Variants in IDE observed in about 807,000 individuals in gnomAD.
IDE encodes the protein insulin-degrading enzyme.
Under a neutral mutation model 133.2 loss-of-function variants are expected in IDE, and 58 were observed. That is an observed-to-expected ratio of 0.44 (90% CI 0.35 to 0.54). The LOEUF (loss-of-function observed/expected upper bound fraction) is 0.54, where lower values mean the gene tolerates loss of function less well. Among genes scored for constraint, IDE ranks in the 20% least tolerant of loss-of-function variants. The probability of loss-of-function intolerance (pLI) is 0.00; values close to 1 mark genes in which losing one functional copy is unlikely to be tolerated. For synonymous variants in IDE, 396 were observed against 421.3 expected (o/e 0.94, Z 0.73); for missense variants, 981 against 1,234.0 (o/e 0.79, Z 3.07).
Position 92,464,011 on chromosome 10 carries a change from A to G in IDE, c.2489-8T>C. The G allele has an allele frequency of 6.2e-7, 1 of 1,606,732 alleles. No homozygotes were observed. The highest frequency in any genetic ancestry group is 8.5e-7 in the Non-Finnish European group (1 of 1,174,302). The stretch of plus-strand genomic sequence containing the variant: ...CGCTGAAGACGATATAGCCTGAAAC[A>G]CAGACATCAGCCAGTCATGACCGTG... On this transcript the variant is annotated splice_polypyrimidine_tract_variant and splice_region_variant and intron_variant, in intron 20 of 24. Coordinates refer to ENST00000265986, the MANE Select transcript of IDE (RefSeq NM_004969.4).
chr10:92,539,928 A>C (rs1842213720), intron 1 of IDE, among the ~76,000 whole-genome samples: 1 of 152,022 alleles, frequency 6.6e-6, no homozygotes, highest in Admixed American at 6.6e-5. Context: ...GACTCTAAAG[A>C]GGGGTACAAG....
At chr10:92,538,745 A>C (rs1293114862) in intron 1 of IDE, among the ~76,000 whole-genome samples, 1 of 150,744 alleles carries the variant, frequency 6.6e-6, no homozygotes, top group Non-Finnish European at 1.5e-5. Flanking sequence ...GGGTAGATGT[A>C]ACTTTTGTCT....
intron 1 of IDE, among the ~76,000 whole-genome samples, chr10:92,543,678 G>A (rs1213922741): frequency 6.6e-6 from 1 of 152,198 alleles, no homozygotes; most frequent in Non-Finnish European, 1.5e-5. Context: ...AAATTCTAAA[G>A]TAGTATCATT....
chr10:92,471,182 T>G (rs1382258931), intron 17 of IDE, among the ~76,000 whole-genome samples: 1 of 152,200 alleles, frequency 6.6e-6, no homozygotes, highest in African/African-American at 2.4e-5. Context: ...TTTTTCTATT[T>G]CCCTCTTTCT....
At chr10:92,572,914 C>T (rs999841947) in intron 1 of IDE, 1 of 985,374 alleles carries the variant, frequency 1.0e-6, no homozygotes, top group East Asian at 1.1e-4. Context: ...TCAACACACC[C>T]TTGTAGCTAT....
At chr10:92,556,174 C>T (rs1298413745) in intron 1 of IDE, among the ~76,000 whole-genome samples, 2 of 45,822 alleles carry the variant, frequency 4.4e-5, no homozygotes, top group South Asian at 1.3e-3. Context: ...AGCGAGACTC[C>T]GTCTCAAAAA....
intron 13 of IDE, among the ~76,000 whole-genome samples, chr10:92,484,140 G>A (rs183875541): frequency 2.2e-4 from 34 of 152,162 alleles, no homozygotes; most frequent in East Asian, 1.9e-3. Context: ...GGCCAGGCGC[G>A]GTGGCTTCAC....
intron 4 of IDE, among the ~76,000 whole-genome samples, chr10:92,522,724 G>T (rs1849296868): frequency 6.6e-6 from 1 of 152,080 alleles, no homozygotes; most frequent in Non-Finnish European, 1.5e-5. Flanking sequence ...AAAAGCTGAG[G>T]GACCCAAGGC....
intron 1 of IDE, among the ~76,000 whole-genome samples, chr10:92,544,257 TA>T (rs1023840068): frequency 2.0e-5 from 3 of 150,472 alleles, no homozygotes; most frequent in African/African-American, 7.3e-5. Flanking sequence ...AAAGATAGAA[TA>T]CCATTGTACA....
In IDE at chr10:92,540,201, C is replaced by T. The variant is rs183878610; in HGVS notation, c.99-2651G>A. On this transcript the variant is annotated intron_variant, in intron 1 of 24. Transcript: ENST00000265986. ...GAGGCTGCAGTGAGCCAAGATCATG[C>T]CACTGCACTCCAGCCTGGGCGCAAC... is the stretch of plus-strand genomic sequence containing the variant. Among the ~76,000 whole-genome samples, 282 of 152,012 alleles carry T rather than the reference C, an allele frequency of 1.9e-3. 2 individuals carry two copies. Among genetic ancestry groups the T allele is most frequent in the Middle Eastern group, 6.8e-3 (2 of 294 alleles).
intron 1 of IDE, among the ~76,000 whole-genome samples, chr10:92,559,737 ATTT>A (rs67531776): frequency 0.094 from 12,617 of 133,992 alleles, 560 homozygotes; most frequent in South Asian, 0.17. Context: ...TGAATGGTAT[ATTT>A]TTTTTTTTTT....
chr10:92,464,027 C>A, intron 20 of IDE, 24 bp from the exon 21 acceptor site: 1 of 1,594,624 alleles, frequency 6.3e-7, no homozygotes, highest in South Asian at 1.1e-5. Flanking sequence ...ATCAGCCAGT[C>A]ATGACCGTGG....
intron 11 of IDE, among the ~76,000 whole-genome samples, chr10:92,502,411 C>T (rs977435038): frequency 1.3e-5 from 2 of 151,990 alleles, no homozygotes; most frequent in Non-Finnish European, 2.9e-5. Flanking sequence ...GCTTTTGTTG[C>T]TATTATAAAT....
chr10:92,461,225 G>T lies in IDE; in HGVS notation c.2789C>A (p.Thr930Lys). The change falls in exon 22 of 25, where the codon ACA (threonine) becomes AAA (lysine). Residue 930 changes from threonine (T) to lysine (K), a missense_variant. Thr to Lys is a moderately conservative substitution (Grantham distance 78). Coordinates refer to ENST00000265986, the MANE Select transcript of IDE (RefSeq NM_004969.4). ...TTTGATGATATCTTCCTTGGTAAGTGTCTTTAAATATGCAACCTCAGTGTT... is the reference window on the plus strand; with the variant it reads ...TTTGATGATATCTTCCTTGGTAAGTTTCTTTAAATATGCAACCTCAGTGTT... ...RDNTEVAYLKTLTKEDIIKFY... is the reference protein window; with the variant it reads ...RDNTEVAYLKKLTKEDIIKFY... 6.8e-7 allele frequency: 1 copy of T among 1,464,220 alleles called. No homozygotes were observed. The highest frequency in any genetic ancestry group is 9.6e-7 in the Non-Finnish European group (1 of 1,044,734). 90.7% of individuals were successfully genotyped at this position (1,464,220 alleles called of 1,614,324 possible).
chr10:92,559,927 G>C (rs996220451), intron 1 of IDE, among the ~76,000 whole-genome samples: 3 of 151,826 alleles, frequency 2.0e-5, no homozygotes, highest in African/African-American at 7.3e-5. Context: ...TGTAGAGATA[G>C]GGTCCCACTA....
intron 19 of IDE, among the ~76,000 whole-genome samples, chr10:92,468,432 T>G (rs1026972423): frequency 3.3e-5 from 5 of 152,238 alleles, no homozygotes; most frequent in Admixed American, 3.3e-4. Context: ...TAAAAGTCTT[T>G]GTTAATCCCT....
chr10:92,477,592 A>C (rs959015068), intron 15 of IDE, among the ~76,000 whole-genome samples: 1 of 152,240 alleles, frequency 6.6e-6, no homozygotes, highest in African/African-American at 2.4e-5. Flanking sequence ...ATATCATGAA[A>C]GTCTCTACGC....
At chr10:92,506,962 C>T (rs1226474091) in intron 9 of IDE, among the ~76,000 whole-genome samples, 2 of 152,088 alleles carry the variant, frequency 1.3e-5, no homozygotes, top group Non-Finnish European at 2.9e-5. Flanking sequence ...AGAGATTATA[C>T]CTTTAAACTT....
chr10:92,545,544 CTGA>C (rs1161416961), intron 1 of IDE, among the ~76,000 whole-genome samples: 1 of 152,184 alleles, frequency 6.6e-6, no homozygotes, highest in Non-Finnish European at 1.5e-5. Flanking sequence ...CTGAGGTGAG[CTGA>C]TAATCATCAT....
Sources: gnomAD v4.1 joint callset for allele counts (sites outside exome capture counted in the v4.1 genomes callset) on GRCh38, gnomAD v4.1.1 for gene constraint, MANE v1.5 for transcripts, NCBI Gene and HGNC (gene_info 2026-07-23, HGNC 2026-07-21) for gene names.